CADM2: variants seen among roughly 807,000 people sequenced by gnomAD.
The protein encoded by CADM2 is immunoglobulin superfamily member 4D.
In CADM2, 12 loss-of-function variants were observed where a neutral mutation model predicts 49.8. The ratio of observed to expected loss-of-function variants is 0.24; its 90% CI spans 0.15 to 0.39. CADM2 has a LOEUF of 0.39. Ranked by LOEUF, CADM2 falls within the 10% of genes least tolerant of loss-of-function variation. CADM2 has a pLI of 1.00. For missense variants in CADM2, 378 were observed against 492.3 expected (o/e 0.77, Z 2.20); for synonymous variants, 214 against 175.4 (o/e 1.22, Z -1.74).
chr3:86,001,369 A>G (rs1577913239), intron 8 of CADM2, among the ~76,000 whole-genome samples: 1 of 152,180 alleles, frequency 6.6e-6, no homozygotes, highest in Non-Finnish European at 1.5e-5. Flanking sequence ...AAGAATATAC[A>G]AAGAGCAGAT....
intron 1 of CADM2, among the ~76,000 whole-genome samples, chr3:85,488,130 AT>A (rs2039506621): frequency 6.6e-6 from 1 of 152,200 alleles, no homozygotes; most frequent in Non-Finnish European, 1.5e-5. Flanking sequence ...ATTTTTCTGT[AT>A]TCACGTAATG....
At chr3:85,161,591 A>G (rs2040326323) in intron 1 of CADM2, among the ~76,000 whole-genome samples, 1 of 152,170 alleles carries the variant, frequency 6.6e-6, no homozygotes, top group South Asian at 2.1e-4. Flanking sequence ...AAAAAAATGA[A>G]TGAGTGCAGG....
At chr3:85,554,214 G>C (rs1268074055) in intron 1 of CADM2, among the ~76,000 whole-genome samples, 2 of 152,154 alleles carry the variant, frequency 1.3e-5, no homozygotes. Context: ...CTCGTAAGGA[G>C]TATGCAGCTT....
At chr3:85,284,464 G>C (rs1285817158) in intron 1 of CADM2, among the ~76,000 whole-genome samples, 1 of 152,088 alleles carries the variant, frequency 6.6e-6, no homozygotes. Flanking sequence ...CAGGATGGAA[G>C]TGTAGGGGTG....
At chr3:85,290,047 G>A (rs1159182374) in intron 1 of CADM2, among the ~76,000 whole-genome samples, 2 of 152,112 alleles carry the variant, frequency 1.3e-5, no homozygotes, top group Non-Finnish European at 2.9e-5. Context: ...ATCTCACTAG[G>A]GAGTGCCAGA....
At chr3:85,826,097 C>T (rs1160222110) in intron 3 of CADM2, among the ~76,000 whole-genome samples, 1 of 151,898 alleles carries the variant, frequency 6.6e-6, no homozygotes, top group African/African-American at 2.4e-5. Context: ...TAATTGTTGA[C>T]CTTTTATATC....
At chr3:85,412,156 T>C (rs560869218) in intron 1 of CADM2, among the ~76,000 whole-genome samples, 1 of 152,238 alleles carries the variant, frequency 6.6e-6, no homozygotes, top group East Asian at 1.9e-4. Flanking sequence ...TGAAAAGCCT[T>C]ACACATATAT....
At chr3:85,203,396 A>G (rs1053154370) in intron 1 of CADM2, among the ~76,000 whole-genome samples, 1 of 150,862 alleles carries the variant, frequency 6.6e-6, no homozygotes, top group Non-Finnish European at 1.5e-5. Context: ...GAGAGAGAGA[A>G]AGAAAGTGTC....
At chr3:85,284,744 G>A in intron 1 of CADM2, among the ~76,000 whole-genome samples, 1 of 151,954 alleles carries the variant, frequency 6.6e-6, no homozygotes, top group Non-Finnish European at 1.5e-5. Flanking sequence ...GAGAGAAGTG[G>A]GTGGCAGATC....
intron 1 of CADM2, among the ~76,000 whole-genome samples, chr3:85,671,737 A>G (rs945791240): frequency 6.6e-6 from 1 of 152,140 alleles, no homozygotes; most frequent in African/African-American, 2.4e-5. Flanking sequence ...CCTCAGGTAT[A>G]CGCATAGCTG....
At chr3:85,078,250 T>G (rs2037024420) in intron 1 of CADM2, among the ~76,000 whole-genome samples, 1 of 151,912 alleles carries the variant, frequency 6.6e-6, no homozygotes, top group Non-Finnish European at 1.5e-5. Flanking sequence ...GAACAGAAAA[T>G]TCATATCTGG....
intron 1 of CADM2, among the ~76,000 whole-genome samples, chr3:84,962,208 T>A (rs1242223531): frequency 2.6e-5 from 4 of 151,426 alleles, no homozygotes; most frequent in Non-Finnish European, 1.5e-5. Flanking sequence ...AGTCCATCCA[T>A]GTCTGTGGAC....
chr3:85,368,153 C>CAG (rs1395578732), intron 1 of CADM2, among the ~76,000 whole-genome samples: 2 of 151,946 alleles, frequency 1.3e-5, no homozygotes, highest in Non-Finnish European at 2.9e-5. Flanking sequence ...TGTGTTTGAC[C>CAG]AGAGCCCTTG....
At chr3:85,734,325 G>A (rs2068046414) in intron 2 of CADM2, among the ~76,000 whole-genome samples, 3 of 151,874 alleles carry the variant, frequency 2.0e-5, no homozygotes, top group South Asian at 2.1e-4. Context: ...GCCCAAATAG[G>A]AGAAGTCATG....
In CADM2 at chr3:86,014,472, C is replaced by T. The variant is rs990029616; in HGVS notation, c.971-51133C>T. 4.6e-6 allele frequency: 7 copies of T among 1,505,478 alleles called. No homozygotes were observed. The African/African-American group carries it at 9.8e-5, about 21-fold the overall frequency. The allele number at this position is 1,505,478 out of a possible 1,614,324, so 93.3% of individuals were successfully genotyped here. A position where few individuals can be genotyped will look rare whatever the true frequency, so the allele number is the denominator to read the frequency against. On this transcript the variant is annotated intron_variant, in intron 8 of 9. Coordinates refer to ENST00000383699, the MANE Select transcript of CADM2 (RefSeq NM_001167675.2). ...GGAAGCCACAAATTTGGTAACCAAA[C>T]TTGATATTCAAATGAAACTCCCTGG...
Position 85,935,501 on chromosome 3 carries a change from C to A in CADM2, c.701-266C>A, listed in dbSNP as rs371529003. Among the ~76,000 whole-genome samples the A allele has an allele frequency of 6.6e-5, 10 of 152,112 alleles. No homozygotes were observed. The South Asian group carries it at 2.1e-3, about 32-fold the overall frequency. On this transcript the variant is annotated intron_variant, in intron 6 of 9. Coordinates refer to ENST00000383699, the MANE Select transcript of CADM2 (RefSeq NM_001167675.2). ...TGATATTCATCTCAACCACATTTTGCAATTTCTCTTTTAAATTCAGATTTC... is the reference window on the plus strand; with the variant it reads ...TGATATTCATCTCAACCACATTTTGAAATTTCTCTTTTAAATTCAGATTTC...
chr3:85,741,913 C>G (rs1042193963), intron 2 of CADM2, among the ~76,000 whole-genome samples: 7 of 152,190 alleles, frequency 4.6e-5, no homozygotes, highest in African/African-American at 1.4e-4. Flanking sequence ...AGGAATCATG[C>G]AGTGAATTCC....
intron 1 of CADM2, among the ~76,000 whole-genome samples, chr3:85,508,478 C>T (rs1170415678): frequency 6.6e-6 from 1 of 152,144 alleles, no homozygotes; most frequent in African/African-American, 2.4e-5. Flanking sequence ...AACACTTTTT[C>T]TACTTCCAGC....
chr3:85,492,185 A>G (rs1446991980), intron 1 of CADM2, among the ~76,000 whole-genome samples: 1 of 152,228 alleles, frequency 6.6e-6, no homozygotes, highest in Non-Finnish European at 1.5e-5. Context: ...ATATTAAAAT[A>G]AAATCCTGAG....
Sources: allele counts gnomAD v4.1 joint callset (sites outside exome capture counted in the v4.1 genomes callset), GRCh38; gene constraint gnomAD v4.1.1; transcripts MANE v1.5; gene names NCBI Gene and HGNC (gene_info 2026-07-23, HGNC 2026-07-21).